Variants in CTBP2 observed in about 807,000 individuals in gnomAD.
CTBP2 encodes the protein C-terminal binding protein 2.
CTBP2 carries 30 observed loss-of-function variants against 80.3 expected under a neutral mutation model. The observed-to-expected ratio is 0.37, with a 90% CI of 0.28 to 0.51. The LOEUF (loss-of-function observed/expected upper bound fraction) is 0.51, where lower values mean the gene tolerates loss of function less well. Among genes scored for constraint, CTBP2 ranks in the 20% least tolerant of loss-of-function variants. The probability of loss-of-function intolerance (pLI) is 0.93; values close to 1 mark genes in which losing one functional copy is unlikely to be tolerated. For missense variants in CTBP2, 1,212 were observed against 1,375.3 expected, an observed-to-expected ratio of 0.88 and a Z score of 1.88; for synonymous variants, 594 against 587.4, an observed-to-expected ratio of 1.01 and a Z score of -0.16.
chr10:125,145,040 T>C (rs1858496956), intron 1 of CTBP2, among the ~76,000 whole-genome samples: 1 of 152,232 alleles, frequency 6.6e-6, no homozygotes, highest in South Asian at 2.1e-4. Flanking sequence ...CTTCAAAGAA[T>C]GAGGATGAGT....
chr10:125,050,412 A>T (rs1019576358), intron 2 of CTBP2, among the ~76,000 whole-genome samples: 1 of 152,252 alleles, frequency 6.6e-6, no homozygotes, highest in African/African-American at 2.4e-5. Context: ...AATAGCTTGC[A>T]GCTATTCATT....
chr10:125,011,699 C>A (rs1955934978), intron 1 of CTBP2, among the ~76,000 whole-genome samples: 1 of 152,242 alleles, frequency 6.6e-6, no homozygotes, highest in Non-Finnish European at 1.5e-5. Context: ...GAAGCTGCAG[C>A]CCGCACCCTG....
At chr10:125,117,126 C>T (rs565672612) in intron 1 of CTBP2, among the ~76,000 whole-genome samples, 6 of 152,338 alleles carry the variant, frequency 3.9e-5, no homozygotes, top group Admixed American at 1.3e-4. Context: ...TCCCACAAGG[C>T]GACATCCCGC....
intron 1 of CTBP2, among the ~76,000 whole-genome samples, chr10:125,148,974 T>C (rs940141747): frequency 2.6e-5 from 4 of 152,194 alleles, no homozygotes; most frequent in African/African-American, 9.7e-5. Context: ...CTGAAGATGC[T>C]AGGGCTGGGA....
rs373849191 is a variant in CTBP2 at position 125,023,614 on chromosome 10, G to A, written c.1678+2468C>T. ...GGAGCCCCCATTTGTCTGTGTCACC[G>A]GGGCTGGTGGGCCGCACTGGGGTCC... On this transcript the variant is annotated intron_variant, in intron 1 of 8. Coordinates refer to ENST00000309035, the MANE Select transcript of CTBP2 (RefSeq NM_022802.3). Among the ~76,000 whole-genome samples, 19 of 152,202 alleles carry A rather than the reference G, an allele frequency of 1.2e-4. No individual in the cohort carries two copies. The South Asian group carries it at 2.1e-3, about 17-fold the overall frequency.
At chr10:125,062,455 A>ACGGTGC (rs1965156479) in intron 2 of CTBP2, among the ~76,000 whole-genome samples, 1 of 74,968 alleles carries the variant, frequency 1.3e-5, no homozygotes, top group African/African-American at 1.3e-4. Context: ...TAACGTGGGG[A>ACGGTGC]CAACTCTGAA....
chr10:125,147,144 G>A (rs1858928880), intron 1 of CTBP2, among the ~76,000 whole-genome samples: 1 of 152,228 alleles, frequency 6.6e-6, no homozygotes, highest in Non-Finnish European at 1.5e-5. Context: ...CGTGTGCACA[G>A]AGGGAAGGGC....
rs1467101748 is a variant in CTBP2, at chr10:124,987,269, G to C, written c.*2249C>G. The C allele has an allele frequency of 6.6e-6, 1 of 152,552 alleles. No individual in the cohort carries two copies. The allele number at this position is 152,552 out of a possible 1,614,324, so 9.4% of individuals were successfully genotyped here. ...ATTAATGACTGACTCTGGAGAGTAA[G>C]TCATACCTGCACTCTGTGGACTTGA... On this transcript the variant is annotated 3_prime_UTR_variant, in exon 9 of 9. Coordinates refer to ENST00000309035, the MANE Select transcript of CTBP2 (RefSeq NM_022802.3).
rs370228605 is a variant in CTBP2 at position 125,026,929 on chromosome 10, C to T, written c.831G>A (p.Leu277=). 10 of 1,614,072 alleles carry T rather than the reference C, an allele frequency of 6.2e-6. No individual in the cohort carries two copies. Among genetic ancestry groups the T allele is most frequent in the Non-Finnish European group, 8.5e-6 (10 of 1,180,016 alleles). Residue 277 remains leucine (L), a synonymous_variant, in exon 1 of 9, where the codon CTG becomes CTA. Transcript: ENST00000309035. ...TGCCACCAGGACCCTGGAAGGTGGA[C>T]AGGTCAGCTTCGTAAGTCTCGTAAG...
intron 1 of CTBP2, among the ~76,000 whole-genome samples, chr10:125,134,168 A>G (rs1049501314): frequency 1.3e-5 from 2 of 152,188 alleles, no homozygotes; most frequent in African/African-American, 4.8e-5. Flanking sequence ...CAACGACCAG[A>G]TTTAACAAGC....
At chr10:125,012,246 T>C (rs1324490736) in intron 1 of CTBP2, among the ~76,000 whole-genome samples, 1 of 152,180 alleles carries the variant, frequency 6.6e-6, no homozygotes, top group Non-Finnish European at 1.5e-5. Context: ...ATGTGGGGGA[T>C]AGAAGCCGGA....
At chr10:125,106,466 G>A (rs1564932539) in intron 2 of CTBP2, among the ~76,000 whole-genome samples, 1 of 152,194 alleles carries the variant, frequency 6.6e-6, no homozygotes, top group Non-Finnish European at 1.5e-5. Flanking sequence ...ATATACCTAA[G>A]GCCACACATG....
intron 2 of CTBP2, among the ~76,000 whole-genome samples, chr10:125,094,474 G>A (rs1286205984): frequency 6.6e-6 from 1 of 152,228 alleles, no homozygotes; most frequent in Non-Finnish European, 1.5e-5. Flanking sequence ...ACGCACCTCA[G>A]GGAGGACGCT....
At position 124,985,554 on chromosome 10, in the gene CTBP2, CT is replaced by C. The variant is rs1236495514; in HGVS notation, c.*3963del. 3 of 152,588 alleles carry C rather than the reference CT, an allele frequency of 2.0e-5. No homozygotes were observed. The highest frequency in any genetic ancestry group is 4.4e-5 in the Non-Finnish European group (3 of 68,032). The allele number at this position is 152,588 out of a possible 1,614,324, so 9.5% of individuals were successfully genotyped here. Reference sequence around the variant, plus strand: ...TCGTTCCTCTTGTGCCCAATCAAATCTTTTAGGAACAAACTGCAAGAAAAGC... The same window carrying C: ...TCGTTCCTCTTGTGCCCAATCAAATCTTTAGGAACAAACTGCAAGAAAAGC... On this transcript the variant is annotated 3_prime_UTR_variant, in exon 9 of 9. Coordinates refer to ENST00000309035, the MANE Select transcript of CTBP2 (RefSeq NM_022802.3).
chr10:125,027,260 T>A lies in CTBP2; in HGVS notation c.500A>T (p.Asp167Val). The stretch of plus-strand genomic sequence containing the variant: ...CTGAGGGATCATTTTACCTCCAGGA[T>A]CCCGGTACAGGTGACCGGCGTCCTG... The change falls in exon 1 of 9, where the codon GAT (aspartate) becomes GTT (valine). Residue 167 changes from aspartate to valine, a missense_variant. Asp to Val is a radical substitution (Grantham distance 152, BLOSUM62 -3). Around this residue, in one of 3 missense-constraint regions of CTBP2, gnomAD observed 848 missense variants for 782.3 expected, o/e 1.08. Transcript: ENST00000309035. The A allele has an allele frequency of 6.2e-7, 1 of 1,613,688 alleles. No homozygotes were observed. The highest frequency in any genetic ancestry group is 8.5e-7 in the Non-Finnish European group (1 of 1,180,010).
intron 1 of CTBP2, among the ~76,000 whole-genome samples, chr10:125,136,774 C>T (rs145003326): frequency 8.3e-4 from 127 of 152,314 alleles, no homozygotes; most frequent in African/African-American, 2.8e-3. Flanking sequence ...TACAAGACAC[C>T]GTCCAAACGC....
chr10:125,161,361 C>T (rs993060563), upstream of CTBP2, among the ~76,000 whole-genome samples: 1 of 151,990 alleles, frequency 6.6e-6, no homozygotes, highest in Non-Finnish European at 1.5e-5. Flanking sequence ...GGCCCTTCAT[C>T]CTCCTCCGCC....
Position 125,002,987 on chromosome 10 carries a change from C to T in CTBP2, c.1951G>A (p.Val651Met), listed in dbSNP as rs1194341704. The T allele has an allele frequency of 1.2e-6, 2 of 1,613,606 alleles. No individual in the cohort carries two copies. The highest frequency in any genetic ancestry group is 1.1e-5 in the South Asian group (1 of 91,070). The change falls in exon 3 of 9, where the codon GTG becomes ATG. Residue 651 changes from valine (V) to methionine (M), a missense_variant. Val to Met is a conservative substitution (Grantham distance 21). Around this residue, in one of 3 missense-constraint regions of CTBP2, gnomAD observed 335 missense variants for 504.7 expected, o/e 0.66. Transcript: ENST00000309035. ...AGCTCGCCGGCAGCCTTGATGTCCA[C>T]GTTGTCATAGCCACTGCCTATCCGC...
chr10:125,134,042 A>G (rs1054961450), intron 1 of CTBP2, among the ~76,000 whole-genome samples: 6 of 152,230 alleles, frequency 3.9e-5, no homozygotes, highest in Admixed American at 1.3e-4. Context: ...CAAACTACAG[A>G]TCAGATTTGA....
Sources: allele counts gnomAD v4.1 joint callset (sites outside exome capture counted in the v4.1 genomes callset), GRCh38; gene constraint gnomAD v4.1.1; regional missense constraint gnomAD v4.1.1; transcripts MANE v1.5; gene names NCBI Gene and HGNC (gene_info 2026-07-23, HGNC 2026-07-21).